RO60: variants seen among roughly 807,000 people sequenced by gnomAD.
The protein encoded by RO60 is Ro60, Y RNA binding protein, also known as RNA-binding protein RO60.
Under a neutral mutation model 55.3 loss-of-function variants are expected in RO60, and 20 were observed. The observed-to-expected ratio is 0.36, with a 90% CI of 0.25 to 0.53. The LOEUF (loss-of-function observed/expected upper bound fraction) is 0.53, where lower values mean the gene tolerates loss of function less well. Among genes scored for constraint, RO60 ranks in the 20% least tolerant of loss-of-function variants. The pLI is 0.92. For missense variants in RO60, 558 were observed against 646.6 expected (o/e 0.86, Z 1.49); for synonymous variants, 213 against 213.6 (o/e 1.00, Z 0.02).
Position 193,084,651 on chromosome 1 carries a change from G to C in RO60, c.1537G>C (p.Asp513His). 1.9e-6 allele frequency: 3 copies of C among 1,613,964 alleles called. No homozygotes were observed. Among genetic ancestry groups the C allele is most frequent in the Non-Finnish European group, 2.5e-6 (3 of 1,179,926 alleles). ...TGGTTTCACCATTGCAGACCCAGAT[G>C]ATAGAGGCATGTTGGATATGTGCGG... ...SNGFTIADPD[D>H]RGMLDMCGFD... is the part of the protein sequence containing the mutation. Residue 513 changes from aspartate to histidine, a missense_variant, in exon 9 of 9, where the codon GAT becomes CAT. Physicochemically the swap from Asp to His is moderately conservative, Grantham distance 81. Coordinates refer to ENST00000400968, the MANE Select transcript of RO60 (RefSeq NM_001173524.2).
intron 1 of RO60, among the ~76,000 whole-genome samples, chr1:193,064,487 G>A (rs907901807): frequency 5.9e-5 from 9 of 152,188 alleles, no homozygotes; most frequent in African/African-American, 1.7e-4. Flanking sequence ...TCACTTTGCC[G>A]AATTTTGAGT....
chr1:193,062,715 C>G (rs1672861529), intron 1 of RO60, among the ~76,000 whole-genome samples: 1 of 152,234 alleles, frequency 6.6e-6, no homozygotes, highest in Non-Finnish European at 1.5e-5. Flanking sequence ...CAACCTTAGA[C>G]TAATGTACTT....
Position 193,086,038 on chromosome 1 carries a change from A to G in RO60, c.*1307A>G. 1.0e-6 allele frequency: 1 copy of G among 984,562 alleles called. No homozygotes were observed. Among genetic ancestry groups the G allele is most frequent in the Non-Finnish European group, 1.2e-6 (1 of 829,242 alleles). The allele number at this position is 984,562 out of a possible 1,614,324, so 61.0% of individuals were successfully genotyped here. On this transcript the variant is annotated 3_prime_UTR_variant, in exon 9 of 9. Transcript: ENST00000400968. ...CCGTCTAAGGTAGCTTACACATAAA[A>G]CCTGTTTGCGTATCTGTTGTTCTCT... is the stretch of plus-strand genomic sequence containing the variant.
In RO60 at chr1:193,085,670, A is replaced by G; in HGVS notation, c.*939A>G. On this transcript the variant is annotated 3_prime_UTR_variant, in exon 9 of 9. Coordinates refer to ENST00000400968, the MANE Select transcript of RO60 (RefSeq NM_001173524.2). The stretch of plus-strand genomic sequence containing the variant: ...GTTTAGCTTTTTCCTTACTTTTAAA[A>G]TAAAATTTTTTACTTTTAACTATTT... 1 of 978,824 alleles carries G rather than the reference A, an allele frequency of 1.0e-6. No homozygotes were observed. The highest frequency in any genetic ancestry group is 1.7e-5 in the African/African-American group (1 of 57,244). 60.6% of individuals were successfully genotyped at this position (978,824 alleles called of 1,614,324 possible). A position where few individuals can be genotyped will look rare whatever the true frequency, so the allele number is the denominator to read the frequency against.
intron 1 of RO60, among the ~76,000 whole-genome samples, chr1:193,064,164 G>A (rs936797978): frequency 2.0e-5 from 3 of 152,200 alleles, no homozygotes; most frequent in African/African-American, 7.2e-5. Context: ...ACTGAGTATC[G>A]ATGAAGAAAG....
At chr1:193,071,840 A>G (rs1335360505) in intron 2 of RO60, among the ~76,000 whole-genome samples, 1 of 118,186 alleles carries the variant, frequency 8.5e-6, no homozygotes, top group African/African-American at 2.8e-5. Flanking sequence ...ATATACCTAT[A>G]TATGTATGCA....
intron 7 of RO60, 42 bp downstream of exon 7, chr1:193,082,341 A>G: frequency 6.9e-7 from 1 of 1,449,084 alleles, no homozygotes; most frequent in Non-Finnish European, 9.6e-7. Flanking sequence ...TTAAGTTTAC[A>G]TAACGTGTAG....
Position 193,069,360 on chromosome 1 carries a change from C to T in RO60, c.306C>T (p.Cys102=). The stretch of plus-strand genomic sequence containing the variant: ...TTGCACTTGCCATTTGTTCCCAGTG[C>T]TCCGACATAAGCACAAAACAAGCAG... ...MLFALAICSQ[C]SDISTKQAAF... Residue 102 remains cysteine (C), a synonymous_variant, in exon 2 of 9, where the codon TGC becomes TGT. Coordinates refer to ENST00000400968, the MANE Select transcript of RO60 (RefSeq NM_001173524.2). The T allele has an allele frequency of 1.2e-6, 2 of 1,614,206 alleles. No homozygotes were observed. The highest frequency in any genetic ancestry group is 1.1e-5 in the South Asian group (1 of 91,086).
In RO60 at chr1:193,069,187, A is replaced by G; in HGVS notation, c.133A>G (p.Thr45Ala). 1 of 1,614,198 alleles carries G rather than the reference A, an allele frequency of 6.2e-7. No individual in the cohort carries two copies. Among genetic ancestry groups the G allele is most frequent in the South Asian group, 1.1e-5 (1 of 91,086 alleles). ...RFLCFGSEGG[T>A]YYIKEQKLGL... ...CTTATGTTTCGGTTCTGAAGGTGGG[A>G]CTTATTATATCAAAGAACAGAAGTT... The change falls in exon 2 of 9, where the codon ACT becomes GCT. Residue 45 changes from threonine to alanine, a missense_variant. Physicochemically the swap from Thr to Ala is moderately conservative, Grantham distance 58. Transcript: ENST00000400968.
Position 193,082,692 on chromosome 1 carries a change from T to C in RO60, c.1448T>C (p.Leu483Pro). 1 of 1,611,928 alleles carries C rather than the reference T, an allele frequency of 6.2e-7. No homozygotes were observed. ...GGAGGTGTCCATCCTGCTATTGCTC[T>C]GAGGGAGTATCGAAAGGTAAAACAA... ...FAGGVHPAIA[L>P]REYRKKMDIP... Residue 483 changes from leucine (L) to proline (P), a missense_variant, in exon 8 of 9, where the codon CTG becomes CCG. Transcript: ENST00000400968.
In RO60 at chr1:193,082,578, C is replaced by T. The variant is rs1572103641; in HGVS notation, c.1334C>T (p.Thr445Ile). ...MAMSQIPAGG[T>I]DCSLPMIWAQ... ...CCGAATTAGATCCCAGCAGGTGGAA[C>T]TGATTGCTCTCTTCCAATGATCTGG... Residue 445 changes from threonine to isoleucine, a missense_variant, in exon 8 of 9, where the codon ACT becomes ATT. Physicochemically the swap from Thr to Ile is moderately conservative, Grantham distance 89. Coordinates refer to ENST00000400968, the MANE Select transcript of RO60 (RefSeq NM_001173524.2). 1 of 1,613,824 alleles carries T rather than the reference C, an allele frequency of 6.2e-7. No individual in the cohort carries two copies. The highest frequency in any genetic ancestry group is 8.5e-7 in the Non-Finnish European group (1 of 1,179,862).
intron 1 of RO60, among the ~76,000 whole-genome samples, chr1:193,063,312 G>C (rs562952262): frequency 1.2e-3 from 182 of 152,208 alleles, no homozygotes; most frequent in African/African-American, 4.3e-3. Context: ...CTGGCCATTT[G>C]ATAATCTTCT....
rs1572091608 is a variant in RO60 at position 193,077,007 on chromosome 1, A to C, written c.1043A>C (p.Glu348Ala). The C allele has an allele frequency of 6.2e-7, 1 of 1,612,766 alleles. No homozygotes were observed. The change falls in exon 5 of 9, where the codon GAA becomes GCA. Residue 348 changes from glutamate to alanine, a missense_variant. By Grantham distance (107) the Glu-to-Ala change is moderately radical. Transcript: ENST00000400968. ...RGKLKWRPDEEILKALDAAFY... is the reference protein window; with the variant it reads ...RGKLKWRPDEAILKALDAAFY... ...AAACTGAAGTGGCGCCCTGATGAAG[A>C]AATTTTGAAAGCATTGGATGCTGCT...
intron 8 of RO60, among the ~76,000 whole-genome samples, chr1:193,083,133 A>G (rs2103074538): frequency 6.6e-6 from 1 of 152,342 alleles, no homozygotes; most frequent in Non-Finnish European, 1.5e-5. Flanking sequence ...AGTGTCCGTT[A>G]TAGACTCAGC....
chr1:193,084,796 A>G lies in RO60; in HGVS notation c.*65A>G, dbSNP rs571828908. The G allele has an allele frequency of 7.0e-6, 11 of 1,566,144 alleles. No homozygotes were observed. In the African/African-American group the frequency reaches 1.1e-4, roughly 16 times the overall value. ...GTGATCTCACTAAAAATATACAGCT[A>G]CTTCCCAGCTAATCTCCACCCAATG... is the stretch of plus-strand genomic sequence containing the variant. On this transcript the variant is annotated 3_prime_UTR_variant, in exon 9 of 9. Coordinates refer to ENST00000400968, the MANE Select transcript of RO60 (RefSeq NM_001173524.2).
chr1:193,084,556 T>G, intron 8 of RO60, 23 bp from the exon 9 acceptor site: 2 of 1,593,204 alleles, frequency 1.3e-6, no homozygotes, highest in Non-Finnish European at 1.7e-6. Flanking sequence ...GTTTTTAATA[T>G]GTATTTTGGT....
chr1:193,076,042 T>G lies in RO60; in HGVS notation c.801+2T>G. On this transcript the variant is annotated splice_donor_variant, in intron 3 of 8. Transcript: ENST00000400968. LOFTEE classifies it high-confidence loss of function. ...ACAAATCACTTAAAGTCTAAAGAGG[T>G]GAGTGAATTATATGTTACAGCATGT... 1 of 1,588,468 alleles carries G rather than the reference T, an allele frequency of 6.3e-7. No individual in the cohort carries two copies.
intron 1 of RO60, among the ~76,000 whole-genome samples, chr1:193,064,796 T>G (rs931917564): frequency 2.0e-5 from 3 of 152,186 alleles, no homozygotes; most frequent in Non-Finnish European, 4.4e-5. Flanking sequence ...ATAAGTAACT[T>G]TATTTCTTCT....
At position 193,059,808 on chromosome 1, in the gene RO60, C is replaced by T. The variant is rs1049331478; in HGVS notation, c.-22+32C>T. Reference sequence around the variant, plus strand: ...ACATTGCGGGAGGCCGGCTGGGAGCCTTTTGTGCGGCCCCAGGGACGCGCA... The same window carrying T: ...ACATTGCGGGAGGCCGGCTGGGAGCTTTTTGTGCGGCCCCAGGGACGCGCA... On this transcript the variant is annotated intron_variant, in intron 1 of 8. Transcript: ENST00000400968. The surrounding 1 kb of genome is among the most constrained non-coding windows in gnomAD (Gnocchi z 4.9). 4 of 1,356,952 alleles carry T rather than the reference C, an allele frequency of 2.9e-6. No homozygotes were observed. In the African/African-American group the frequency reaches 5.9e-5, roughly 20 times the overall value. The allele number at this position is 1,356,952 out of a possible 1,614,324, so 84.1% of individuals were successfully genotyped here.
Sources: gnomAD v4.1 joint callset for allele counts (sites outside exome capture counted in the v4.1 genomes callset) on GRCh38, gnomAD v4.1.1 for gene constraint, Gnocchi (gnomAD v3.1) non-coding constraint, MANE v1.5 for transcripts, NCBI Gene and HGNC (gene_info 2026-07-23, HGNC 2026-07-21) for gene names.